INSC: variants seen among roughly 807,000 people sequenced by gnomAD.
The protein encoded by INSC is INSC spindle orientation adaptor protein.
Under a neutral mutation model 58.6 loss-of-function variants are expected in INSC, and 67 were observed. That is an observed-to-expected ratio of 1.14 (90% confidence interval 0.94 to 1.40). The LOEUF (loss-of-function observed/expected upper bound fraction) is 1.40, where lower values mean the gene tolerates loss of function less well. Among genes scored for constraint, INSC ranks in the 40% most tolerant of loss-of-function variants. The probability of loss-of-function intolerance (pLI) is 0.00; values close to 1 mark genes in which losing one functional copy is unlikely to be tolerated. For missense variants in INSC, 714 were observed against 692.0 expected, an observed-to-expected ratio of 1.03 and a Z score of -0.36; for synonymous variants, 262 against 276.1, an observed-to-expected ratio of 0.95 and a Z score of 0.51.
intron 5 of INSC, among the ~76,000 whole-genome samples, chr11:15,185,231 G>T (rs59232275): frequency 0.017 from 2,593 of 152,232 alleles, 83 homozygotes; most frequent in African/African-American, 0.059. Context: ...CTTAGAAGGT[G>T]ACTCAAGGGG....
intron 2 of INSC, among the ~76,000 whole-genome samples, chr11:15,155,301 G>A (rs942818169): frequency 7.9e-5 from 12 of 152,074 alleles, no homozygotes; most frequent in Non-Finnish European, 1.3e-4. Flanking sequence ...AAACTTGAGG[G>A]CATCCTTTAA....
downstream of INSC, among the ~76,000 whole-genome samples, chr11:15,251,861 C>A (rs1369423434): frequency 6.6e-6 from 1 of 152,068 alleles, no homozygotes; most frequent in Non-Finnish European, 1.5e-5. Context: ...TATCATATGG[C>A]CCAGCAATTC....
At chr11:15,130,075 A>G (rs2133702881) in intron 1 of INSC, among the ~76,000 whole-genome samples, 1 of 152,334 alleles carries the variant, frequency 6.6e-6, no homozygotes, top group East Asian at 1.9e-4. Flanking sequence ...TTCCCATTCT[A>G]ATACATTTTC....
chr11:15,204,625 G>A (rs574399292), intron 7 of INSC, among the ~76,000 whole-genome samples: 18 of 152,328 alleles, frequency 1.2e-4, no homozygotes, highest in African/African-American at 2.2e-4. Context: ...GGCACAGGCC[G>A]GATTGTAGAA....
chr11:15,226,102 C>T (rs1792559), intron 9 of INSC, among the ~76,000 whole-genome samples: 97,119 of 151,838 alleles, frequency 0.64, 31,722 homozygotes, highest in East Asian at 0.97. Flanking sequence ...TTGAAGCCTC[C>T]CTACGAGATC....
chr11:15,157,262 C>T (rs1402909237), intron 2 of INSC, among the ~76,000 whole-genome samples: 1 of 152,216 alleles, frequency 6.6e-6, no homozygotes, highest in Admixed American at 6.5e-5. Flanking sequence ...AACCCAAGTC[C>T]TGGCCCCTGG....
intron 5 of INSC, among the ~76,000 whole-genome samples, chr11:15,185,170 T>C (rs1296737059): frequency 6.6e-6 from 1 of 152,198 alleles, no homozygotes; most frequent in African/African-American, 2.4e-5. Flanking sequence ...TTATCAGCTG[T>C]CAGATTATTA....
rs185166075 is a variant in INSC, at chr11:15,181,690, T to A, written c.579+3243T>A. ...AGGATTTAAGTTTTTTCTTTTCCTT[T>A]ATTTTTTCCCAGGTAACTTTAAAAT... On this transcript the variant is annotated intron_variant, in intron 5 of 12. Coordinates refer to ENST00000379556, the MANE Select transcript of INSC (RefSeq NM_001042536.3). 3.2e-3 allele frequency among the ~76,000 whole-genome samples: 485 copies of A among 152,344 alleles called. 4 individuals carry two copies. Among genetic ancestry groups the A allele is most frequent in the African/African-American group, 0.011 (440 of 41,588 alleles).
At chr11:15,112,646 GT>G, upstream of INSC, 2 of 313,416 alleles carry the variant, frequency 6.4e-6, no homozygotes, top group Non-Finnish European at 9.8e-6. Context: ...GTATTGGGAA[GT>G]GGGGGGGGGG....
chr11:15,167,241 C>T (rs918811691), intron 2 of INSC, among the ~76,000 whole-genome samples: 1 of 151,972 alleles, frequency 6.6e-6, no homozygotes, highest in Non-Finnish European at 1.5e-5. Context: ...TTTCCTTCAG[C>T]TGCTAATAGG....
downstream of INSC, among the ~76,000 whole-genome samples, chr11:15,251,455 A>G (rs536471780): frequency 1.3e-5 from 2 of 152,372 alleles, no homozygotes; most frequent in East Asian, 3.9e-4. Context: ...ATCACCAATA[A>G]GAAAGTGAAA....
intron 12 of INSC, chr11:15,241,724 A>G (rs1170561528): frequency 1.1e-5 from 7 of 649,076 alleles, no homozygotes; most frequent in Non-Finnish European, 1.7e-5. Flanking sequence ...TTAAATGCAA[A>G]AAAGTAAAAT....
intron 1 of INSC, among the ~76,000 whole-genome samples, chr11:15,137,324 A>C (rs1277181906): frequency 1.3e-5 from 2 of 152,230 alleles, no homozygotes; most frequent in Non-Finnish European, 2.9e-5. Context: ...TTCAACTTAA[A>C]GTCACCAGCT....
chr11:15,188,085 T>A, intron 5 of INSC: 2 of 661,558 alleles, frequency 3.0e-6, no homozygotes, highest in South Asian at 1.4e-4. Context: ...GAGTCCCCTG[T>A]CCCACAGTCA....
At chr11:15,222,474 C>T (rs1263815490) in intron 8 of INSC, among the ~76,000 whole-genome samples, 6 of 152,100 alleles carry the variant, frequency 3.9e-5, no homozygotes, top group Non-Finnish European at 7.4e-5. Flanking sequence ...AACTTAGGGG[C>T]AACACAGAAC....
intron 9 of INSC, among the ~76,000 whole-genome samples, chr11:15,227,732 G>A (rs377443777): frequency 1.1e-3 from 175 of 152,262 alleles, no homozygotes; most frequent in African/African-American, 4.1e-3. Context: ...GTAGTAGAGA[G>A]GGAGACAGGA....
chr11:15,263,703 T>G, the INSC span, among the ~76,000 whole-genome samples: 6 of 152,288 alleles, frequency 3.9e-5, no homozygotes, highest in Admixed American at 2.0e-4. Context: ...CTGGTTTGTC[T>G]GCTCTGAGTT....
rs1397452510 is a variant in INSC at position 15,246,210 on chromosome 11, C to T, written c.*170C>T. 2 of 593,758 alleles carry T rather than the reference C, an allele frequency of 3.4e-6. No homozygotes were observed. The highest frequency in any genetic ancestry group is 5.5e-6 in the Non-Finnish European group (2 of 361,750). 36.8% of individuals were successfully genotyped at this position (593,758 alleles called of 1,614,324 possible). A position where few individuals can be genotyped will look rare whatever the true frequency, so the allele number is the denominator to read the frequency against. On this transcript the variant is annotated 3_prime_UTR_variant, in exon 13 of 13. Transcript: ENST00000379556. ...TCTTAGAGCAACATCATCAAACAGT[C>T]TTTGGTCCTTGAGAATCTTCTTTGT...
chr11:15,116,855 C>T (rs11820607), intron 1 of INSC, among the ~76,000 whole-genome samples: 777 of 25,416 alleles, frequency 0.031, 12 homozygotes, highest in African/African-American at 0.089. Context: ...CTTTCTCTCT[C>T]TCTCTCTCTC....
Sources: allele counts gnomAD v4.1 joint callset (sites outside exome capture counted in the v4.1 genomes callset), GRCh38; gene constraint gnomAD v4.1.1; transcripts MANE v1.5; gene names NCBI Gene and HGNC (gene_info 2026-07-23, HGNC 2026-07-21).